The following NBAS variants were observed in gnomAD, a reference collection of about 807,000 sequenced individuals.
NBAS encodes the protein NAG/BC035112 fusion.
A neutral mutation model predicts 302.5 loss-of-function variants in NBAS; 219 were observed. That is an observed-to-expected ratio of 0.72 (90% CI 0.65 to 0.81). The LOEUF is 0.81. Among genes scored for constraint, NBAS ranks in the 30% least tolerant of loss-of-function variants. The pLI is 0.00. For missense variants in NBAS, 2,932 were observed against 2,841.6 expected, an observed-to-expected ratio of 1.03 and a Z score of -0.72; for synonymous variants, 1,118 against 1,021.6, an observed-to-expected ratio of 1.09 and a Z score of -1.80.
chr2:15,404,469 A>G (rs1676308449), intron 25 of NBAS, among the ~76,000 whole-genome samples: 1 of 151,206 alleles, frequency 6.6e-6, no homozygotes, highest in Middle Eastern at 3.2e-3. Context: ...CCCACTTCCT[A>G]TCTTTCCCTC....
intron 35 of NBAS, among the ~76,000 whole-genome samples, chr2:15,351,424 C>A (rs1673349964): frequency 1.3e-5 from 2 of 152,118 alleles, no homozygotes; most frequent in Admixed American, 6.6e-5. Flanking sequence ...CACCTGTAAT[C>A]CACGCACTTT....
the NBAS span, among the ~76,000 whole-genome samples, chr2:15,148,732 G>A: frequency 2.0e-5 from 3 of 152,128 alleles, no homozygotes; most frequent in African/African-American, 7.2e-5. Flanking sequence ...CAAGTACACT[G>A]ATGCAAAACT....
intron 50 of NBAS, chr2:15,179,332 T>G: frequency 3.3e-6 from 2 of 607,208 alleles, no homozygotes; most frequent in Non-Finnish European, 5.8e-6. Context: ...CTATCAGATA[T>G]TCATCGACAA....
chr2:14,989,790 A>C, the NBAS span, among the ~76,000 whole-genome samples: 9 of 152,330 alleles, frequency 5.9e-5, no homozygotes, highest in Admixed American at 5.9e-4. Flanking sequence ...ACAGCTGGGT[A>C]ATACATATGC....
the NBAS span, among the ~76,000 whole-genome samples, chr2:15,129,002 AG>A: frequency 1.3e-5 from 2 of 152,152 alleles, no homozygotes; most frequent in African/African-American, 4.8e-5. Context: ...TGGTTTGAGC[AG>A]GGGGCTGGGC....
chr2:14,779,022 G>A, the NBAS span, among the ~76,000 whole-genome samples: 1 of 152,206 alleles, frequency 6.6e-6, no homozygotes. Flanking sequence ...GCCCTCAGAA[G>A]CCAAGATCAA....
chr2:14,916,189 C>T, the NBAS span, among the ~76,000 whole-genome samples: 7 of 151,998 alleles, frequency 4.6e-5, no homozygotes, highest in Non-Finnish European at 1.0e-4. Context: ...TAATGTGTTT[C>T]GTCTCTGCTG....
chr2:15,229,518 A>C (rs189367822), intron 47 of NBAS, among the ~76,000 whole-genome samples: 4 of 152,216 alleles, frequency 2.6e-5, no homozygotes, highest in Admixed American at 2.6e-4. Flanking sequence ...GCAGTGGCTC[A>C]TGCCTGTAAT....
chr2:15,540,446 C>A (rs1441642073), intron 6 of NBAS, among the ~76,000 whole-genome samples: 1 of 151,958 alleles, frequency 6.6e-6, no homozygotes, highest in African/African-American at 2.4e-5. Context: ...CTGTCTCTTC[C>A]CTTCTATTCC....
intron 21 of NBAS, among the ~76,000 whole-genome samples, chr2:15,457,877 C>T (rs556007621): frequency 2.3e-4 from 35 of 152,312 alleles, no homozygotes; most frequent in African/African-American, 8.2e-4. Flanking sequence ...GAGTTCTGTC[C>T]TTAACGATGG....
chr2:15,179,138 G>A (rs1455020321), intron 50 of NBAS, 22 bp from the exon 51 acceptor site: 8 of 1,613,830 alleles, frequency 5.0e-6, no homozygotes, highest in Middle Eastern at 1.7e-4. Context: ...GAGCAGGGGT[G>A]AGCGAGAACT....
the NBAS span, among the ~76,000 whole-genome samples, chr2:14,963,773 G>A: frequency 6.6e-6 from 1 of 152,136 alleles, no homozygotes; most frequent in Non-Finnish European, 1.5e-5. Flanking sequence ...AATTTTCTCT[G>A]GACTTCACCA....
the NBAS span, among the ~76,000 whole-genome samples, chr2:15,134,114 C>T: frequency 6.7e-6 from 1 of 149,942 alleles, no homozygotes; most frequent in Non-Finnish European, 1.5e-5. Flanking sequence ...TTATGTCCCT[C>T]CCCAAATTCA....
chr2:15,183,390 T>C (rs1664921385), intron 50 of NBAS, among the ~76,000 whole-genome samples: 1 of 152,222 alleles, frequency 6.6e-6, no homozygotes, highest in Non-Finnish European at 1.5e-5. Flanking sequence ...CTTTGAATAA[T>C]TATCTTTTGT....
At chr2:15,065,982 T>C in the NBAS span, among the ~76,000 whole-genome samples, 3 of 152,164 alleles carry the variant, frequency 2.0e-5, no homozygotes, top group Admixed American at 1.3e-4. Flanking sequence ...TTTCAAAATA[T>C]ATTACAAAGT....
chr2:15,409,110 A>G (rs930521221), intron 25 of NBAS, among the ~76,000 whole-genome samples: 1 of 152,194 alleles, frequency 6.6e-6, no homozygotes, highest in Non-Finnish European at 1.5e-5. Context: ...TAACACATAT[A>G]TATTATTTCA....
chr2:14,903,573 T>A, the NBAS span, among the ~76,000 whole-genome samples: 4 of 152,048 alleles, frequency 2.6e-5, no homozygotes, highest in South Asian at 8.3e-4. Flanking sequence ...AAGAAAACAA[T>A]AGGGGGTGGA....
chr2:15,101,089 C>A, the NBAS span, among the ~76,000 whole-genome samples: 139 of 152,330 alleles, frequency 9.1e-4, 3 homozygotes, highest in East Asian at 0.018. Context: ...AGCACAGCCA[C>A]CAGTGCCCTG....
At chr2:14,848,483 G>C in the NBAS span, among the ~76,000 whole-genome samples, 3 of 143,560 alleles carry the variant, frequency 2.1e-5, 1 homozygote, top group Admixed American at 2.0e-4. Flanking sequence ...ACTGCAAGGC[G>C]GCAGCGAGGC....
Sources: allele counts gnomAD v4.1 joint callset (sites outside exome capture counted in the v4.1 genomes callset), GRCh38; gene constraint gnomAD v4.1.1; transcripts MANE v1.5; gene names NCBI Gene and HGNC (gene_info 2026-07-23, HGNC 2026-07-21).